The following ZNF638 variants were observed in gnomAD, a reference collection of about 807,000 sequenced individuals.
ZNF638 encodes the protein CTCL tumor antigen se33-1.
Under a neutral mutation model 195.6 loss-of-function variants are expected in ZNF638, and 46 were observed. That is an observed-to-expected ratio of 0.24 (90% CI 0.19 to 0.30). ZNF638 has a LOEUF of 0.30. Among genes scored for constraint, ZNF638 ranks in the 10% least tolerant of loss-of-function variants. ZNF638 has a pLI of 1.00. For synonymous variants in ZNF638, 845 were observed against 772.0 expected (o/e 1.09, Z -1.57); for missense variants, 2,440 against 2,325.3 (o/e 1.05, Z -1.01).
At chr2:71,383,756 C>CTTTTTT (rs1558858270) in intron 10 of ZNF638, among the ~76,000 whole-genome samples, 6 of 88,000 alleles carry the variant, frequency 6.8e-5, no homozygotes, top group Non-Finnish European at 1.0e-4. Context: ...TTTTTTTTTT[C>CTTTTTT]TTTTTCTTTT....
intron 3 of ZNF638, among the ~76,000 whole-genome samples, chr2:71,360,085 G>A (rs2079083622): frequency 6.6e-6 from 1 of 152,122 alleles, no homozygotes; most frequent in African/African-American, 2.4e-5. Flanking sequence ...CCATCATGCA[G>A]CACATAGTTA....
chr2:71,393,684 G>A (rs867944890), intron 10 of ZNF638: 10 of 709,254 alleles, frequency 1.4e-5, no homozygotes, highest in Middle Eastern at 4.6e-4. Flanking sequence ...TTATGCTCTC[G>A]CTTCCCCTGC....
intron 19 of ZNF638, 135 bp from the exon 20 acceptor site, chr2:71,407,987 G>T: frequency 1.3e-6 from 1 of 762,984 alleles, no homozygotes; most frequent in South Asian, 2.2e-5. Context: ...GAACATGGGT[G>T]TACAAATACA....
chr2:71,349,034 C>T lies in ZNF638; in HGVS notation c.80C>T (p.Pro27Leu). The T allele has an allele frequency of 1.2e-6, 2 of 1,614,206 alleles. No homozygotes were observed. The highest frequency in any genetic ancestry group is 1.7e-6 in the Non-Finnish European group (2 of 1,180,034). ...PRAPNPSGMR[P>L]PGPFMRPGSM... is the part of the protein sequence containing the mutation. ...GCACCTAACCCTTCTGGGATGAGGC[C>T]TCCAGGACCATTTATGAGGCCTGGA... is the stretch of plus-strand genomic sequence containing the variant. Residue 27 changes from proline (P) to leucine (L), a missense_variant, in exon 2 of 28, where the codon CCT (proline) becomes CTT (leucine). By Grantham distance (98) the Pro-to-Leu change is moderately conservative. Around this residue, in one of 5 missense-constraint regions of ZNF638, gnomAD observed 191 missense variants for 173.8 expected, o/e 1.10. Coordinates refer to ENST00000264447, the MANE Select transcript of ZNF638 (RefSeq NM_014497.5).
At chr2:71,368,246 GA>G in intron 6 of ZNF638, 135 bp from the exon 7 acceptor site, 2 of 751,154 alleles carry the variant, frequency 2.7e-6, no homozygotes, top group Non-Finnish European at 3.9e-6. Context: ...GAAGGAAAAA[GA>G]AAAATGGGTA....
chr2:71,334,074 T>A (rs2078620856), intron 1 of ZNF638, among the ~76,000 whole-genome samples: 1 of 152,210 alleles, frequency 6.6e-6, no homozygotes, highest in Admixed American at 6.5e-5. Context: ...ATGCCTTTCT[T>A]GTAGAACTTA....
Position 71,406,277 on chromosome 2 carries a change from C to T in ZNF638, c.3135+15C>T, listed in dbSNP as rs1411329865. On this transcript the variant is annotated intron_variant, in intron 19 of 27. Transcript: ENST00000264447. ...ATAGAAACAAGGTAACAAGTTCCCT[C>T]ATAATTTAGCTATTCATTCTGTAAA... 2 of 1,604,916 alleles carry T rather than the reference C, an allele frequency of 1.2e-6. No homozygotes were observed. The highest frequency in any genetic ancestry group is 1.7e-6 in the Non-Finnish European group (2 of 1,172,006).
intron 1 of ZNF638, among the ~76,000 whole-genome samples, chr2:71,345,400 A>G (rs1167315604): frequency 6.6e-6 from 1 of 152,152 alleles, no homozygotes; most frequent in Non-Finnish European, 1.5e-5. Flanking sequence ...TATTTTATTT[A>G]TATGAATTTT....
At chr2:71,399,995 T>C (rs1042426962) in intron 13 of ZNF638, 117 bp from the exon 14 acceptor site, 1 of 759,764 alleles carries the variant, frequency 1.3e-6, no homozygotes, top group African/African-American at 1.8e-5. Flanking sequence ...GTTTGGCTTA[T>C]GTCAGGTCAG....
intron 1 of ZNF638, among the ~76,000 whole-genome samples, chr2:71,335,826 A>C (rs941711965): frequency 2.0e-5 from 3 of 152,234 alleles, no homozygotes; most frequent in Admixed American, 6.5e-5. Context: ...ACAGATATCA[A>C]ATTTCCCCAG....
In ZNF638 at chr2:71,380,531, A is replaced by C; in HGVS notation, c.2343A>C (p.Ser781=). The C allele has an allele frequency of 6.2e-7, 1 of 1,606,058 alleles. No individual in the cohort carries two copies. ...ASTLKRDADA[S]KAVEIVTSTS... is the part of the protein sequence containing the mutation. ...TAAATAGAAGAGATGCAGATGCTTCAAAAGCTGTTGAAATTGTTACTTCAA... is the reference window on the plus strand; with the variant it reads ...TAAATAGAAGAGATGCAGATGCTTCCAAAGCTGTTGAAATTGTTACTTCAA... Residue 781 remains serine (S), a synonymous_variant, in exon 10 of 28, where the codon TCA becomes TCC. Transcript: ENST00000264447.
chr2:71,401,987 C>T lies in ZNF638; in HGVS notation c.2729C>T (p.Ser910Phe). Residue 910 changes from serine (S) to phenylalanine (F), a missense_variant, in exon 16 of 28, where the codon TCT becomes TTT. Ser to Phe is a radical substitution (Grantham distance 155). Around this residue, in one of 5 missense-constraint regions of ZNF638, gnomAD observed 1,883 missense variants for 1,739.1 expected, o/e 1.08. Coordinates refer to ENST00000264447, the MANE Select transcript of ZNF638 (RefSeq NM_014497.5). Reference protein sequence around the residue: ...ETEEMCVMLVSNLPNKGYSVE... With the variant: ...ETEEMCVMLVFNLPNKGYSVE... Reference sequence around the variant, plus strand: ...GAAGAAATGTGTGTGATGCTTGTCTCTAATTTGCCTAATAAAGGATATTCT... The same window carrying T: ...GAAGAAATGTGTGTGATGCTTGTCTTTAATTTGCCTAATAAAGGATATTCT... 6.3e-7 allele frequency: 1 copy of T among 1,597,902 alleles called. No homozygotes were observed. Among genetic ancestry groups the T allele is most frequent in the East Asian group, 2.2e-5 (1 of 44,460 alleles).
Position 71,364,020 on chromosome 2 carries a change from T to C in ZNF638, c.1485T>C (p.Arg495=). ...RRRSHSPSPR[R]SRRSSSSHRF... The stretch of plus-strand genomic sequence containing the variant: ...GTTCTCATTCCCCCAGTCCTAGGCG[T>C]TCTAGAAGATCAAGCTCAAGTCACA... Residue 495 remains arginine (R), a synonymous_variant, in exon 5 of 28, where the codon CGT becomes CGC. Transcript: ENST00000264447. 6.2e-7 allele frequency: 1 copy of C among 1,614,182 alleles called. No homozygotes were observed. Among genetic ancestry groups the C allele is most frequent in the South Asian group, 1.1e-5 (1 of 91,086 alleles).
Position 71,396,168 on chromosome 2 carries a change from T to C in ZNF638, c.2405T>C (p.Val802Ala), listed in dbSNP as rs1004336637. 6.2e-7 allele frequency: 1 copy of C among 1,613,336 alleles called. No individual in the cohort carries two copies. The highest frequency in any genetic ancestry group is 8.5e-7 in the Non-Finnish European group (1 of 1,179,786). ...AAKTGQAKAS[V>A]AKVNKSTGKS... is the part of the protein sequence containing the mutation. Reference sequence around the variant, plus strand: ...AAAACTGGACAAGCCAAGGCATCTGTAGCCAAAGTAAACAAATCTACAGGT... The same window carrying C: ...AAAACTGGACAAGCCAAGGCATCTGCAGCCAAAGTAAACAAATCTACAGGT... Residue 802 changes from valine (V) to alanine (A), a missense_variant, in exon 11 of 28, where the codon GTA becomes GCA. Coordinates refer to ENST00000264447, the MANE Select transcript of ZNF638 (RefSeq NM_014497.5).
chr2:71,383,635 C>T (rs575904451), intron 10 of ZNF638, among the ~76,000 whole-genome samples: 1 of 143,290 alleles, frequency 7.0e-6, no homozygotes, highest in East Asian at 2.2e-4. Context: ...AGTACAGTGG[C>T]ATGATCTTGG....
chr2:71,423,757 A>G lies in ZNF638; in HGVS notation c.4243A>G (p.Lys1415Glu), dbSNP rs980797353. Residue 1415 changes from lysine (K) to glutamate (E), a missense_variant, in exon 22 of 28, where the codon AAA (lysine) becomes GAA (glutamate). Coordinates refer to ENST00000264447, the MANE Select transcript of ZNF638 (RefSeq NM_014497.5). ...KATVSKTENQ[K>E]SFPKSVPRDQ... ...TACAGTTTCAAAAACTGAAAATCAG[A>G]AAAGTTTTCCAAAATCTGTGCCCAG... The G allele has an allele frequency of 6.2e-6, 10 of 1,614,006 alleles. No homozygotes were observed. Among genetic ancestry groups the G allele is most frequent in the Non-Finnish European group, 8.5e-6 (10 of 1,180,022 alleles).
intron 8 of ZNF638, chr2:71,376,312 G>A (rs1053190626): frequency 6.6e-6 from 1 of 152,216 alleles, no homozygotes; most frequent in African/African-American, 2.4e-5. Flanking sequence ...AGAGCAACAT[G>A]CCTAGGGATT....
At chr2:71,386,710 C>CG (rs1396270394) in intron 10 of ZNF638, among the ~76,000 whole-genome samples, 1 of 151,838 alleles carries the variant, frequency 6.6e-6, no homozygotes, top group Non-Finnish European at 1.5e-5. Flanking sequence ...CTTATGTAAT[C>CG]TAATATTAAA....
At chr2:71,408,635 T>G (rs1397264831) in intron 20 of ZNF638, 1 of 334,112 alleles carries the variant, frequency 3.0e-6, no homozygotes, top group African/African-American at 2.2e-5. Context: ...TATAAACTGT[T>G]TTTGTGTTAA....
Sources: allele counts gnomAD v4.1 joint callset (sites outside exome capture counted in the v4.1 genomes callset), GRCh38; gene constraint gnomAD v4.1.1; regional missense constraint gnomAD v4.1.1; transcripts MANE v1.5; gene names NCBI Gene and HGNC (gene_info 2026-07-23, HGNC 2026-07-21).